RAI1: variants seen among roughly 807,000 people sequenced by gnomAD.
RAI1 encodes the protein retinoic acid induced 1, also known as retinoic acid-induced protein 1.
Under a neutral mutation model 123.8 loss-of-function variants are expected in RAI1, and 9 were observed. The observed-to-expected ratio is 0.07, with a 90% CI of 0.04 to 0.13. RAI1 has a LOEUF of 0.13. RAI1 is among the 10% of genes least tolerant of loss of function. The pLI, the probability that RAI1 is intolerant of heterozygous loss-of-function variation, is 1.00. For synonymous variants in RAI1, 1,231 were observed against 1,127.3 expected, an observed-to-expected ratio of 1.09 and a Z score of -1.84; for missense variants, 2,256 against 2,545.8, an observed-to-expected ratio of 0.89 and a Z score of 2.45.
intron 1 of RAI1, among the ~76,000 whole-genome samples, chr17:17,716,348 G>A (rs1379510898): frequency 6.6e-6 from 1 of 152,258 alleles, no homozygotes; most frequent in Non-Finnish European, 1.5e-5. Flanking sequence ...CTTCTACATA[G>A]AGAAATCTCC....
chr17:17,757,110 G>A (rs1442008292), intron 2 of RAI1, among the ~76,000 whole-genome samples: 3 of 152,166 alleles, frequency 2.0e-5, no homozygotes, highest in Non-Finnish European at 2.9e-5. Context: ...TCACATGCTT[G>A]GAGCGGGGTC....
intron 1 of RAI1, among the ~76,000 whole-genome samples, chr17:17,695,573 C>T (rs1185361260): frequency 2.6e-5 from 4 of 151,490 alleles, no homozygotes; most frequent in Admixed American, 6.6e-5. Flanking sequence ...GTCGCCCAGG[C>T]TGTAGTGCAG....
At position 17,767,798 on chromosome 17, in the gene RAI1, A is replaced by G. The variant is rs1193091487; in HGVS notation, c.-16-25135A>G. On this transcript the variant is annotated intron_variant, in intron 2 of 5. Transcript: ENST00000353383. ...TTTTCCTTGCAATGGTGGCCTTGTT[A>G]TTCCAGCCTTGCTACTCACAGGTGG... Among the ~76,000 whole-genome samples, 3 of 152,162 alleles carry G rather than the reference A, an allele frequency of 2.0e-5. No individual in the cohort carries two copies. In the East Asian group the frequency reaches 5.8e-4, roughly 29 times the overall value.
rs576041431 is a variant in RAI1 at position 17,732,206 on chromosome 17, G to A, written c.-17+8047G>A. 2.0e-5 allele frequency among the ~76,000 whole-genome samples: 3 copies of A among 152,316 alleles called. No individual in the cohort carries two copies. In the South Asian group the frequency reaches 6.2e-4, roughly 32 times the overall value. ...CAACTGTGGTTCAAGGCCCATGGCT[G>A]GTAAGAAGTGAGCCTGCGGCTAAAC... On this transcript the variant is annotated intron_variant, in intron 2 of 5. Coordinates refer to ENST00000353383, the MANE Select transcript of RAI1 (RefSeq NM_030665.4).
In RAI1 at chr17:17,797,514, A is replaced by T. The variant is rs2032306980; in HGVS notation, c.4566A>T (p.Ala1522=). 2 of 1,613,662 alleles carry T rather than the reference A, an allele frequency of 1.2e-6. No homozygotes were observed. Among genetic ancestry groups the T allele is most frequent in the Non-Finnish European group, 1.7e-6 (2 of 1,179,828 alleles). The change falls in exon 3 of 6, where the codon GCA becomes GCT. Residue 1522 remains alanine (A), a synonymous_variant. Coordinates refer to ENST00000353383, the MANE Select transcript of RAI1 (RefSeq NM_030665.4). ...EGRPCQPQTR[A]QKQPGHTNYS... ...GGCCCTGCCAGCCCCAGACAAGGGC[A>T]CAGAAACAGCCAGGCCACACCAACT... is the stretch of plus-strand genomic sequence containing the variant.
In RAI1 at chr17:17,809,530, T is replaced by C; in HGVS notation, c.5709+91T>C. On this transcript the variant is annotated intron_variant, in intron 5 of 5. Transcript: ENST00000353383. This position sits in a 1 kb window ranked among gnomAD's most constrained non-coding sequence, Gnocchi z 4.9. ...TCCTTCACAGTCCCCTGGGCCCCCT[T>C]GGCTGCGCAGCCCCGCAGGGCCCAG... 2 of 1,387,100 alleles carry C rather than the reference T, an allele frequency of 1.4e-6. No homozygotes were observed. The highest frequency in any genetic ancestry group is 2.0e-6 in the Non-Finnish European group (2 of 980,574). 85.9% of individuals were successfully genotyped at this position (1,387,100 alleles called of 1,614,324 possible).
At chr17:17,686,602 T>TGC (rs1555552144) in intron 1 of RAI1, among the ~76,000 whole-genome samples, 15 of 143,782 alleles carry the variant, frequency 1.0e-4, no homozygotes, top group African/African-American at 2.7e-4. Flanking sequence ...TGTGTGTGTG[T>TGC]GTGTGTGCAC....
chr17:17,797,099 A>G lies in RAI1; in HGVS notation c.4151A>G (p.Asn1384Ser). The G allele has an allele frequency of 6.2e-7, 1 of 1,614,014 alleles. No homozygotes were observed. The highest frequency in any genetic ancestry group is 8.5e-7 in the Non-Finnish European group (1 of 1,180,030). Residue 1384 changes from asparagine to serine, a missense_variant, in exon 3 of 6, where the codon AAT (asparagine) becomes AGT (serine). Coordinates refer to ENST00000353383, the MANE Select transcript of RAI1 (RefSeq NM_030665.4). ...GTGGGGGTGGAAGAAGGCCTGGTAA[A>G]TGTGGGCACCGGGCAGAAGCTCCCA... ...SPVGVEEGLV[N>S]VGTGQKLPTS...
intron 2 of RAI1, among the ~76,000 whole-genome samples, chr17:17,770,216 C>T (rs2031096547): frequency 6.6e-6 from 1 of 151,902 alleles, no homozygotes; most frequent in South Asian, 2.1e-4. Flanking sequence ...GGTAGGGAGA[C>T]AGCCTGTCTC....
At position 17,796,627 on chromosome 17, in the gene RAI1, G is replaced by T. The variant is rs1415817194; in HGVS notation, c.3679G>T (p.Ala1227Ser). The T allele has an allele frequency of 6.8e-6, 11 of 1,611,972 alleles. No individual in the cohort carries two copies. Among genetic ancestry groups the T allele is most frequent in the Non-Finnish European group, 9.3e-6 (11 of 1,179,468 alleles). ...RPLHALKRKSAFMAPVPTKKR... is the reference protein window; with the variant it reads ...RPLHALKRKSSFMAPVPTKKR... ...CCTCCATGCGCTCAAAAGGAAGTCG[G>T]CCTTCATGGCGCCGGTCCCCACCAA... Residue 1227 changes from alanine (A) to serine (S), a missense_variant, in exon 3 of 6, where the codon GCC becomes TCC. Physicochemically the swap from Ala to Ser is moderately conservative, Grantham distance 99. Transcript: ENST00000353383. The surrounding 1 kb of genome is among the most constrained non-coding windows in gnomAD (Gnocchi z 5.8).
chr17:17,710,449 C>T (rs1280676561), intron 1 of RAI1, among the ~76,000 whole-genome samples: 1 of 152,244 alleles, frequency 6.6e-6, no homozygotes, highest in Non-Finnish European at 1.5e-5. Context: ...GCTCCATCCC[C>T]CACCCCAGAG....
At chr17:17,742,538 C>CTAAG (rs1159835470) in intron 2 of RAI1, among the ~76,000 whole-genome samples, 1 of 152,222 alleles carries the variant, frequency 6.6e-6, no homozygotes, top group African/African-American at 2.4e-5. Flanking sequence ...CCCACTCTCC[C>CTAAG]TAAGCTCTGG....
chr17:17,733,503 C>T (rs62064089), intron 2 of RAI1, among the ~76,000 whole-genome samples: 2,280 of 152,282 alleles, frequency 0.015, 27 homozygotes, highest in Middle Eastern at 0.037. Context: ...TCAGATGACC[C>T]TCACAGCATC....
intron 2 of RAI1, among the ~76,000 whole-genome samples, chr17:17,785,194 G>T (rs1172584040): frequency 6.6e-6 from 1 of 152,212 alleles, no homozygotes; most frequent in African/African-American, 2.4e-5. Context: ...AGGCACTAGG[G>T]GCTCTGGAGG....
At chr17:17,725,909 C>T (rs1033822778) in intron 2 of RAI1, among the ~76,000 whole-genome samples, 16 of 152,040 alleles carry the variant, frequency 1.1e-4, no homozygotes, top group African/African-American at 3.6e-4. Context: ...TCTCTTGGTC[C>T]AGGAATAGAA....
At chr17:17,712,822 C>T (rs1205348030) in intron 1 of RAI1, among the ~76,000 whole-genome samples, 2 of 152,174 alleles carry the variant, frequency 1.3e-5, no homozygotes, top group African/African-American at 4.8e-5. Flanking sequence ...GAAATGGTGA[C>T]TGTGTATAAT....
chr17:17,782,574 A>G (rs925343100), intron 2 of RAI1, among the ~76,000 whole-genome samples: 1 of 129,982 alleles, frequency 7.7e-6, no homozygotes, highest in African/African-American at 2.9e-5. Context: ...GAAGCGCTCC[A>G]TTATTCATTA....
At chr17:17,709,126 C>T (rs773437899) in intron 1 of RAI1, among the ~76,000 whole-genome samples, 1 of 152,140 alleles carries the variant, frequency 6.6e-6, no homozygotes, top group Non-Finnish European at 1.5e-5. Flanking sequence ...ACCCGGGGAC[C>T]ATCATTATGA....
Position 17,728,035 on chromosome 17 carries a change from A to C in RAI1, c.-17+3876A>C, listed in dbSNP as rs893343333. ...CTTCCAGCTTGGGCATGTGTTGTGC[A>C]TGCGTGCCTCTGTGTGTGTGTGTGT... On this transcript the variant is annotated intron_variant, in intron 2 of 5. Transcript: ENST00000353383. Among the ~76,000 whole-genome samples, 5 of 151,772 alleles carry C rather than the reference A, an allele frequency of 3.3e-5. 1 individual carries two copies. Among genetic ancestry groups the C allele is most frequent in the Admixed American group, 3.3e-4 (5 of 15,260 alleles).
Sources: allele counts gnomAD v4.1 joint callset (sites outside exome capture counted in the v4.1 genomes callset), GRCh38; gene constraint gnomAD v4.1.1; non-coding constraint Gnocchi (gnomAD v3.1); transcripts MANE v1.5; gene names NCBI Gene and HGNC (gene_info 2026-07-23, HGNC 2026-07-21).